Variants in CSMD1 observed in about 807,000 individuals in gnomAD.
CSMD1 encodes the protein CUB and Sushi multiple domains 1.
CSMD1 carries 213 observed loss-of-function variants against 417.5 expected under a neutral mutation model. That is an observed-to-expected ratio of 0.51 (90% CI 0.46 to 0.57). The LOEUF is 0.57. Among genes scored for constraint, CSMD1 ranks in the 20% least tolerant of loss-of-function variants. CSMD1 has a pLI of 0.00. For synonymous variants in CSMD1, 2,862 were observed against 1,736.8 expected (o/e 1.65, Z -16.11); for missense variants, 6,923 against 4,529.7 (o/e 1.53, Z -15.17).
chr8:3,949,687 A>G (rs940762877), intron 5 of CSMD1, among the ~76,000 whole-genome samples: 7 of 152,064 alleles, frequency 4.6e-5, no homozygotes, highest in African/African-American at 1.7e-4. Flanking sequence ...GAGAAGGAGG[A>G]ATATTATAAG....
At chr8:4,453,389 G>A (rs543423353) in intron 2 of CSMD1, among the ~76,000 whole-genome samples, 70 of 152,312 alleles carry the variant, frequency 4.6e-4, no homozygotes, top group Non-Finnish European at 8.4e-4. Flanking sequence ...ACAGAACTTG[G>A]TGCTGAAGTC....
At chr8:3,261,433 T>A (rs922545673) in intron 26 of CSMD1, among the ~76,000 whole-genome samples, 1 of 152,098 alleles carries the variant, frequency 6.6e-6, no homozygotes. Flanking sequence ...GGGTGATGGG[T>A]GCGCCAAAAT....
chr8:3,295,143 G>C lies in CSMD1; in HGVS notation c.3951-10797C>G, dbSNP rs181029667. The stretch of plus-strand genomic sequence containing the variant: ...TTTATTTATTTATTTTATTTTATTT[G>C]AGATGGAGTCTTGCTTTGTTGCCCA... On this transcript the variant is annotated intron_variant, in intron 25 of 69. Transcript: ENST00000635120. 6.0e-4 allele frequency among the ~76,000 whole-genome samples: 91 copies of C among 151,562 alleles called. 2 individuals carry two copies. Among genetic ancestry groups the C allele is most frequent in the African/African-American group, 2.1e-3 (88 of 41,308 alleles).
intron 2 of CSMD1, among the ~76,000 whole-genome samples, chr8:4,424,885 G>C (rs1449527705): frequency 6.6e-6 from 1 of 152,004 alleles, no homozygotes; most frequent in Non-Finnish European, 1.5e-5. Flanking sequence ...TTAACTACAT[G>C]TGAATCTATA....
chr8:4,603,171 G>T (rs1356529584), intron 2 of CSMD1, among the ~76,000 whole-genome samples: 2 of 151,922 alleles, frequency 1.3e-5, no homozygotes, highest in Non-Finnish European at 2.9e-5. Flanking sequence ...GAAAATATCA[G>T]TTCTAATTAT....
intron 1 of CSMD1, among the ~76,000 whole-genome samples, chr8:4,905,013 G>C (rs1384784215): frequency 6.6e-6 from 1 of 152,162 alleles, no homozygotes; most frequent in African/African-American, 2.4e-5. Context: ...CTCTAAGGTA[G>C]TGTGACAGTA....
At chr8:4,215,581 A>G (rs1300749346) in intron 3 of CSMD1, among the ~76,000 whole-genome samples, 1 of 152,080 alleles carries the variant, frequency 6.6e-6, no homozygotes, top group African/African-American at 2.4e-5. Flanking sequence ...TTTTTTCCCT[A>G]AAATTTATAC....
chr8:3,931,002 T>C (rs1251430282), intron 5 of CSMD1, among the ~76,000 whole-genome samples: 1 of 150,622 alleles, frequency 6.6e-6, no homozygotes, highest in Non-Finnish European at 1.5e-5. Flanking sequence ...TTAAAGGTGT[T>C]AACTAGCCAT....
chr8:3,069,434 G>GA (rs113747632), intron 49 of CSMD1, among the ~76,000 whole-genome samples: 7,031 of 137,952 alleles, frequency 0.051, 537 homozygotes, highest in African/African-American at 0.17. Flanking sequence ...GACTCTGTCT[G>GA]AAAAAAAAAA....
intron 2 of CSMD1, 24 bp from the exon 3 acceptor site, chr8:4,420,089 A>C: frequency 2.0e-6 from 3 of 1,488,116 alleles, no homozygotes; most frequent in Non-Finnish European, 1.8e-6. Context: ...ACAAGACACA[A>C]AGAGAGTTAA....
intron 54 of CSMD1, among the ~76,000 whole-genome samples, chr8:2,993,974 T>C (rs1235506467): frequency 1.1e-4 from 16 of 139,924 alleles, no homozygotes; most frequent in African/African-American, 3.5e-4. Flanking sequence ...TGAAACCCCA[T>C]CCCTACTAAA....
intron 1 of CSMD1, among the ~76,000 whole-genome samples, chr8:4,986,787 A>G (rs1488893298): frequency 2.6e-5 from 4 of 152,114 alleles, no homozygotes; most frequent in South Asian, 2.1e-4. Flanking sequence ...ATGATAAAGA[A>G]GAAATCTTCT....
intron 10 of CSMD1, among the ~76,000 whole-genome samples, chr8:3,494,240 G>C (rs1302599691): frequency 2.0e-5 from 3 of 151,770 alleles, no homozygotes; most frequent in Admixed American, 2.0e-4. Context: ...TAAGTTTTTT[G>C]TTTGTTTTTT....
chr8:3,917,440 C>T (rs1019998413), intron 5 of CSMD1, among the ~76,000 whole-genome samples: 15 of 145,022 alleles, frequency 1.0e-4, no homozygotes, highest in African/African-American at 3.1e-4. Context: ...CACACACACA[C>T]GCTCATGCGC....
At chr8:3,067,612 TA>T (rs1426928220) in intron 49 of CSMD1, among the ~76,000 whole-genome samples, 2 of 149,518 alleles carry the variant, frequency 1.3e-5, no homozygotes, top group African/African-American at 4.9e-5. Flanking sequence ...ATATAGTATA[TA>T]ATATATAAAT....
chr8:3,219,309 C>T lies in CSMD1; in HGVS notation c.4618G>A (p.Ala1540Thr), dbSNP rs1159914943. Residue 1540 changes from alanine to threonine, a missense_variant, in exon 29 of 70, where the codon GCA becomes ACA. Physicochemically the swap from Ala to Thr is moderately conservative, Grantham distance 58. Transcript: ENST00000635120. The part of the protein sequence containing the change: ...IESSGNSLFL[A>T]FRSDASVGLS... ...CCCACGGAGGCATCACTCCGAAATG[C>T]CAGAAACAGGCTGTTTCCGCTACTC... 3 of 1,591,654 alleles carry T rather than the reference C, an allele frequency of 1.9e-6. No individual in the cohort carries two copies. Among genetic ancestry groups the T allele is most frequent in the Admixed American group, 3.5e-5 (2 of 57,180 alleles).
intron 5 of CSMD1, among the ~76,000 whole-genome samples, chr8:3,875,168 G>C (rs536816876): frequency 2.6e-5 from 4 of 152,158 alleles, no homozygotes; most frequent in Non-Finnish European, 5.9e-5. Context: ...CTGGGGAATG[G>C]ACTGTAGCGC....
rs76697334 is a variant in CSMD1, at chr8:4,410,682, G to C, written c.415+9271C>G. ...TTGCCCCTGACACAAGAGTATACTG[G>C]AAAAAAATTAATAAAAAAATCTTGG... On this transcript the variant is annotated intron_variant, in intron 3 of 69. Coordinates refer to ENST00000635120, the MANE Select transcript of CSMD1 (RefSeq NM_033225.6). Among the ~76,000 whole-genome samples, 895 of 151,982 alleles carry C rather than the reference G, an allele frequency of 5.9e-3. 34 individuals are homozygous for C. In the East Asian group the frequency reaches 0.092, roughly 16 times the overall value.
chr8:4,554,014 C>T (rs557530053), intron 2 of CSMD1, among the ~76,000 whole-genome samples: 5 of 152,296 alleles, frequency 3.3e-5, no homozygotes, highest in East Asian at 1.9e-4. Context: ...GTAGACCTTG[C>T]GATCTAACCG....
Sources: gnomAD v4.1 joint callset for allele counts (sites outside exome capture counted in the v4.1 genomes callset) on GRCh38, gnomAD v4.1.1 for gene constraint, MANE v1.5 for transcripts, NCBI Gene and HGNC (gene_info 2026-07-23, HGNC 2026-07-21) for gene names.